The following AMER1 variants were observed in gnomAD, a reference collection of about 807,000 sequenced individuals.
The protein encoded by AMER1 is RP11-403E24.2.
A neutral mutation model predicts 53.0 loss-of-function variants in AMER1; 16 were observed. That is an observed-to-expected ratio of 0.30 (90% CI 0.20 to 0.46). The LOEUF (loss-of-function observed/expected upper bound fraction) is 0.46. Ranked by LOEUF, AMER1 falls within the 20% of genes least tolerant of loss-of-function variation. The pLI is 1.00. For missense variants in AMER1, 947 were observed against 884.9 expected (o/e 1.07, Z -0.89); for synonymous variants, 354 against 331.9 (o/e 1.07, Z -0.73).
Position 64,191,922 on chromosome X carries a change from A to G in AMER1, c.1365T>C (p.Thr455=). 1 of 1,211,572 alleles carries G rather than the reference A, an allele frequency of 8.3e-7. No individual in the cohort carries two copies. The highest frequency in any genetic ancestry group is 2.3e-4 in the Middle Eastern group (1 of 4,345). The stretch of plus-strand genomic sequence containing the variant: ...CGGATTCTTGCTGGTCACTCTGAGG[A>G]GTCAAAAGTTCCCCAGGGGCTAGGC... The part of the protein sequence containing the change: ...YPGLAPGELL[T]PQSDQQESAP... Residue 455 remains threonine, a synonymous_variant, in exon 2 of 2, where the codon ACT becomes ACC. Transcript: ENST00000374869.
rs140630999 is a variant in AMER1 at position 64,198,435 on chromosome X, T to A, written c.-98-5051A>T. On this transcript the variant is annotated intron_variant, in intron 1 of 1. Coordinates refer to ENST00000374869, the MANE Select transcript of AMER1 (RefSeq NM_152424.4). ...TTGTCACAGAGAAGGAAACTGTGCC[T>A]AGACTTGGGAAAAGACTTGTCCAAG... 1.8e-4 allele frequency among the ~76,000 whole-genome samples: 20 copies of A among 111,648 alleles called. No individual in the cohort carries two copies. The East Asian group carries it at 5.7e-3, about 32-fold the overall frequency.
At chrX:64,204,293 A>G (rs1328340146) in intron 1 of AMER1, among the ~76,000 whole-genome samples, 1 of 113,439 alleles carries the variant, frequency 8.8e-6, no homozygotes, top group African/African-American at 3.2e-5. Flanking sequence ...GCCGCAGAGG[A>G]AGATGTTTGT....
chrX:64,197,075 C>A (rs73516466), intron 1 of AMER1, among the ~76,000 whole-genome samples: 165 of 112,685 alleles, frequency 1.5e-3, no homozygotes, highest in African/African-American at 5.0e-3. Flanking sequence ...AAGGAGACAG[C>A]AAAGGACAGA....
In AMER1 at chrX:64,192,100, T is replaced by G; in HGVS notation, c.1187A>C (p.Glu396Ala). ...ATCATCTTCTTCCTCCTCCTTAACC[T>G]CCTCTTCTTCCTCCTCTAATTCCAC... is the stretch of plus-strand genomic sequence containing the variant. ...EEVELEEEEE[E>A]VKEEEEDDDL... Residue 396 changes from glutamate to alanine, a missense_variant, in exon 2 of 2, where the codon GAG becomes GCG. Physicochemically the swap from Glu to Ala is moderately radical, Grantham distance 107. Coordinates refer to ENST00000374869, the MANE Select transcript of AMER1 (RefSeq NM_152424.4). The G allele has an allele frequency of 8.3e-7, 1 of 1,210,145 alleles. No homozygotes were observed. Among genetic ancestry groups the G allele is most frequent in the Non-Finnish European group, 1.1e-6 (1 of 894,293 alleles).
rs778512341 is a variant in AMER1, at chrX:64,186,071, C to CA, written c.*3807dup. The stretch of plus-strand genomic sequence containing the variant: ...GGTCTAGACATGGGGAAGAAGGGTT[C>CA]AAAAGAAAGAAAAACATAAAATAAA... On this transcript the variant is annotated 3_prime_UTR_variant, in exon 2 of 2. Coordinates refer to ENST00000374869, the MANE Select transcript of AMER1 (RefSeq NM_152424.4). 27 of 1,147,013 alleles carry CA rather than the reference C, an allele frequency of 2.4e-5. 1 individual carries two copies. The highest frequency in any genetic ancestry group is 8.3e-6 in the Non-Finnish European group (7 of 839,738). 94.5% of individuals were successfully genotyped at this position (1,147,013 alleles called of 1,213,427 possible).
Position 64,193,257 on chromosome X carries a change from C to A in AMER1, c.30G>T (p.Gln10His), listed in dbSNP as rs751041995. Residue 10 changes from glutamine (Q) to histidine (H), a missense_variant, in exon 2 of 2, where the codon CAG becomes CAT. Physicochemically the swap from Gln to His is conservative, Grantham distance 24. Coordinates refer to ENST00000374869, the MANE Select transcript of AMER1 (RefSeq NM_152424.4). ...TCCCAGAGGCTGCAGCTCCCTTGGCCTGAGCAGCTTCATCCTTTTGGGTCT... is the reference window on the plus strand; with the variant it reads ...TCCCAGAGGCTGCAGCTCCCTTGGCATGAGCAGCTTCATCCTTTTGGGTCT... METQKDEAA[Q>H]AKGAAASGST... 3.3e-6 allele frequency: 4 copies of A among 1,210,035 alleles called. No individual in the cohort carries two copies. In the East Asian group the frequency reaches 8.9e-5, roughly 27 times the overall value.
rs764505956 is a variant in AMER1 at position 64,191,047 on chromosome X, G to A, written c.2240C>T (p.Thr747Ile). The A allele has an allele frequency of 3.3e-6, 4 of 1,212,194 alleles. No homozygotes were observed. In the African/African-American group the frequency reaches 5.2e-5, roughly 16 times the overall value. Reference sequence around the variant, plus strand: ...CTCTGGATCTTCAGGGGGTGAATAAGTAGGGTAGGCCCTCCTGGGAGATCC... The same window carrying A: ...CTCTGGATCTTCAGGGGGTGAATAAATAGGGTAGGCCCTCCTGGGAGATCC... ...FGGSPRRAYP[T>I]YSPPEDPEEE... Residue 747 changes from threonine (T) to isoleucine (I), a missense_variant, in exon 2 of 2, where the codon ACT becomes ATT. Coordinates refer to ENST00000374869, the MANE Select transcript of AMER1 (RefSeq NM_152424.4).
chrX:64,203,818 C>T (rs1337137568), intron 1 of AMER1, among the ~76,000 whole-genome samples: 1 of 111,744 alleles, frequency 8.9e-6, no homozygotes, highest in African/African-American at 3.3e-5. Flanking sequence ...AGGTCCAGCC[C>T]TGGGCTAGAG....
chrX:64,189,793 A>AGGGGGGGCCCCCCCCCCC lies in AMER1; in HGVS notation c.*85_*86insGGGGGGGGGGGCCCCCCC. The AGGGGGGGCCCCCCCCCCC allele has an allele frequency of 3.4e-6, 1 of 292,068 alleles. No homozygotes were observed. Among genetic ancestry groups the AGGGGGGGCCCCCCCCCCC allele is most frequent in the Non-Finnish European group, 4.9e-6 (1 of 204,828 alleles). The allele number at this position is 292,068 out of a possible 1,213,427, so 24.1% of individuals were successfully genotyped here. A position where few individuals can be genotyped will look rare whatever the true frequency, so the allele number is the denominator to read the frequency against. On this transcript the variant is annotated 3_prime_UTR_variant, in exon 2 of 2. Transcript: ENST00000374869. ...CAAAGGGTTTTCAAGTTAAACAACA[A>AGGGGGGGCCCCCCCCCCC]CCCCCACCCCCCCACCCTTCTGCCC...
At chrX:64,198,642 C>G (rs1224954181) in intron 1 of AMER1, among the ~76,000 whole-genome samples, 1 of 111,823 alleles carries the variant, frequency 8.9e-6, no homozygotes, top group Non-Finnish European at 1.9e-5. Flanking sequence ...CCACCTCTGT[C>G]CCAGCCCTGC....
At position 64,190,104 on chromosome X, in the gene AMER1, A is replaced by G; in HGVS notation, c.3183T>C (p.Ser1061=). 8.3e-7 allele frequency: 1 copy of G among 1,206,753 alleles called. No homozygotes were observed. Residue 1061 remains serine, a synonymous_variant, in exon 2 of 2, where the codon TCT becomes TCC. Coordinates refer to ENST00000374869, the MANE Select transcript of AMER1 (RefSeq NM_152424.4). ...TGGGGCTGAAGCCTCCAGAACTGGA[A>G]GAGCAACTGGGCTCATCAACAGGCA... is the stretch of plus-strand genomic sequence containing the variant. ...VLLPVDEPSC[S]SSSGGFSPSP...
chrX:64,187,311 G>T lies in AMER1; in HGVS notation c.*2568C>A. 8.8e-6 allele frequency: 7 copies of T among 791,154 alleles called. No homozygotes were observed. The South Asian group carries it at 4.6e-4, about 52-fold the overall frequency. 65.2% of individuals were successfully genotyped at this position (791,154 alleles called of 1,213,427 possible). On this transcript the variant is annotated 3_prime_UTR_variant, in exon 2 of 2. Transcript: ENST00000374869. ...TATCCTGGCTGCCCCACTTCAGGTGGTAAGGATCCTATTCCTGGGCTGGCT... is the reference window on the plus strand; with the variant it reads ...TATCCTGGCTGCCCCACTTCAGGTGTTAAGGATCCTATTCCTGGGCTGGCT...
rs778454654 is a variant in AMER1 at position 64,192,345 on chromosome X, C to T, written c.942G>A (p.Gly314=). The change falls in exon 2 of 2, where the codon GGG becomes GGA. Residue 314 remains glycine (G), a synonymous_variant. Coordinates refer to ENST00000374869, the MANE Select transcript of AMER1 (RefSeq NM_152424.4). ...PVGDPLSLLF[G]DVTSLKSFDS... is the part of the protein sequence containing the mutation. The stretch of plus-strand genomic sequence containing the variant: ...CAAAGCTTTTCAGGGATGTCACATC[C>T]CCAAACAAGAGGCTCAGTGGGTCCC... 6 of 1,211,135 alleles carry T rather than the reference C, an allele frequency of 5.0e-6. No homozygotes were observed. The African/African-American group carries it at 8.7e-5, about 18-fold the overall frequency.
In AMER1 at chrX:64,191,564, G is replaced by A. The variant is rs1930245345; in HGVS notation, c.1723C>T (p.Arg575Trp). 1.7e-6 allele frequency: 2 copies of A among 1,212,115 alleles called. No individual in the cohort carries two copies. Among genetic ancestry groups the A allele is most frequent in the Non-Finnish European group, 1.1e-6 (1 of 895,620 alleles). Residue 575 changes from arginine to tryptophan, a missense_variant, in exon 2 of 2, where the codon CGG becomes TGG. Physicochemically the swap from Arg to Trp is moderately radical, Grantham distance 101. Transcript: ENST00000374869. ...GCCTCCTGGGCCTCAAGCTGCTCCC[G>A]CCGAAGCTCCCAATACAACAACTGT... Reference protein sequence around the residue: ...QKQLLYWELRREQLEAQEARA... With the variant: ...QKQLLYWELRWEQLEAQEARA...
Position 64,189,792 on chromosome X carries a change from A to AGGGGGGGGGGGG in AMER1, c.*86_*87insCCCCCCCCCCCC. ...CCAAAGGGTTTTCAAGTTAAACAACAACCCCCACCCCCCCACCCTTCTGCC... is the reference window on the plus strand; with the variant it reads ...CCAAAGGGTTTTCAAGTTAAACAACAGGGGGGGGGGGGACCCCCACCCCCCCACCCTTCTGCC... On this transcript the variant is annotated 3_prime_UTR_variant, in exon 2 of 2. Transcript: ENST00000374869. 1.3e-6 allele frequency: 1 copy of AGGGGGGGGGGGG among 746,977 alleles called. No individual in the cohort carries two copies. The highest frequency in any genetic ancestry group is 3.2e-5 in the South Asian group (1 of 31,402). 61.6% of individuals were successfully genotyped at this position (746,977 alleles called of 1,213,427 possible). A position where few individuals can be genotyped will look rare whatever the true frequency, so the allele number is the denominator to read the frequency against.
intron 1 of AMER1, among the ~76,000 whole-genome samples, chrX:64,198,038 G>T (rs897407309): frequency 3.6e-5 from 4 of 111,975 alleles, no homozygotes; most frequent in Non-Finnish European, 7.5e-5. Flanking sequence ...TGCTCCCTAG[G>T]GCTCTGTGGG....
chrX:64,189,480 ATGTATGTGTGTGTG>A lies in AMER1; in HGVS notation c.*385_*398del. The A allele has an allele frequency of 9.7e-6, 5 of 516,917 alleles. No individual in the cohort carries two copies. Among genetic ancestry groups the A allele is most frequent in the Non-Finnish European group, 1.1e-5 (5 of 457,314 alleles). The allele number at this position is 516,917 out of a possible 1,213,427, so 42.6% of individuals were successfully genotyped here. A position where few individuals can be genotyped will look rare whatever the true frequency, so the allele number is the denominator to read the frequency against. The stretch of plus-strand genomic sequence containing the variant: ...CATGTGTGTTTGTGTGTGTGTGTGT[ATGTATGTGTGTGTG>A]TGTGTGTGTGTGTGTGTGTGTATAT... On this transcript the variant is annotated 3_prime_UTR_variant, in exon 2 of 2. Transcript: ENST00000374869.
intron 1 of AMER1, among the ~76,000 whole-genome samples, chrX:64,202,245 T>C (rs1930502283): frequency 8.9e-6 from 1 of 112,020 alleles, no homozygotes; most frequent in Non-Finnish European, 1.9e-5. Context: ...AGCAAAGCTA[T>C]AGGCCAAGAC....
Position 64,193,149 on chromosome X carries a change from T to C in AMER1, c.138A>G (p.Ser46=), listed in dbSNP as rs1254814474. ...ATEGPTSEPS[S]SGPGRLKKTA... is the part of the protein sequence containing the mutation. ...TTTTCTTCAGCCTACCTGGGCCGGA[T>C]GAGGATGGCTCTGAGGTTGGTCCTT... Residue 46 remains serine (S), a synonymous_variant, in exon 2 of 2, where the codon TCA becomes TCG. Transcript: ENST00000374869. The C allele has an allele frequency of 1.7e-6, 2 of 1,211,966 alleles. No homozygotes were observed. Among genetic ancestry groups the C allele is most frequent in the Non-Finnish European group, 2.2e-6 (2 of 895,594 alleles).
Sources: allele counts gnomAD v4.1 joint callset (sites outside exome capture counted in the v4.1 genomes callset), GRCh38; gene constraint gnomAD v4.1.1; transcripts MANE v1.5; gene names NCBI Gene and HGNC (gene_info 2026-07-23, HGNC 2026-07-21).